SIPA1L3: variants seen among roughly 807,000 people sequenced by gnomAD.
SIPA1L3 encodes the protein signal-induced proliferation-associated 1-like protein 3.
A neutral mutation model predicts 150.1 loss-of-function variants in SIPA1L3; 59 were observed. That is an observed-to-expected ratio of 0.39 (90% CI 0.32 to 0.49). The LOEUF is 0.49. Ranked by LOEUF, SIPA1L3 falls within the 20% of genes least tolerant of loss-of-function variation. The pLI, the probability that SIPA1L3 is intolerant of heterozygous loss-of-function variation, is 0.86. For missense variants in SIPA1L3, 2,211 were observed against 2,489.5 expected (o/e 0.89, Z 2.38); for synonymous variants, 1,070 against 1,077.6 (o/e 0.99, Z 0.14).
At chr19:37,941,156 C>G (rs910080001) in intron 1 of SIPA1L3, among the ~76,000 whole-genome samples, 1 of 151,644 alleles carries the variant, frequency 6.6e-6, no homozygotes, top group Admixed American at 6.6e-5. Flanking sequence ...GCTAGCCGTC[C>G]TCCTAGGTGT....
intron 2 of SIPA1L3, among the ~76,000 whole-genome samples, chr19:38,044,224 G>T (rs908272983): frequency 2.6e-5 from 4 of 152,318 alleles, no homozygotes; most frequent in Admixed American, 2.6e-4. Context: ...CAGAGACGTG[G>T]CTGAGTCTGT....
chr19:38,164,397 C>A lies in SIPA1L3; in HGVS notation c.3781-82C>A. On this transcript the variant is annotated intron_variant, in intron 14 of 21. Transcript: ENST00000222345. The surrounding 1 kb of genome is among the most constrained non-coding windows in gnomAD (Gnocchi z 4.1). ...AAGCTGTCTGGTCCCAGGGTTCAGG[C>A]CCAGGCAGAGGGAGGACCCGGCAAG... The A allele has an allele frequency of 1.5e-6, 2 of 1,361,136 alleles. No individual in the cohort carries two copies. Among genetic ancestry groups the A allele is most frequent in the Non-Finnish European group, 2.0e-6 (2 of 978,772 alleles). The allele number at this position is 1,361,136 out of a possible 1,614,324, so 84.3% of individuals were successfully genotyped here.
chr19:38,201,566 G>A (rs556115134), intron 19 of SIPA1L3, among the ~76,000 whole-genome samples: 8 of 152,318 alleles, frequency 5.3e-5, no homozygotes, highest in East Asian at 1.9e-4. Context: ...TTCGGAATCC[G>A]GTCGGTTGCT....
chr19:38,143,673 G>A (rs1268370465), intron 12 of SIPA1L3, among the ~76,000 whole-genome samples: 3 of 151,192 alleles, frequency 2.0e-5, no homozygotes, highest in African/African-American at 7.3e-5. Context: ...CAAGTAGCTG[G>A]GACTACAGGC....
intron 9 of SIPA1L3, among the ~76,000 whole-genome samples, chr19:38,123,418 C>G (rs527940839): frequency 6.7e-6 from 1 of 149,106 alleles, no homozygotes; most frequent in Non-Finnish European, 1.5e-5. Flanking sequence ...TGCGGCCTTC[C>G]GCAGTGTTTG....
intron 4 of SIPA1L3, among the ~76,000 whole-genome samples, chr19:38,092,100 G>A (rs1283360008): frequency 6.6e-6 from 1 of 151,404 alleles, no homozygotes; most frequent in Non-Finnish European, 1.5e-5. Context: ...TATATAGGCA[G>A]GCATGGTGGC....
chr19:37,974,477 C>T (rs1967026422), intron 1 of SIPA1L3, among the ~76,000 whole-genome samples: 1 of 150,692 alleles, frequency 6.6e-6, no homozygotes, highest in Non-Finnish European at 1.5e-5. Context: ...GATTGTGCCA[C>T]TACACTCCAG....
At chr19:37,988,019 C>T (rs1013839761) in intron 1 of SIPA1L3, among the ~76,000 whole-genome samples, 2 of 152,254 alleles carry the variant, frequency 1.3e-5, no homozygotes, top group African/African-American at 4.8e-5. Flanking sequence ...ATTCTCCCCT[C>T]CTCCTACAGT....
At chr19:38,157,565 C>T (rs911920094) in intron 13 of SIPA1L3, among the ~76,000 whole-genome samples, 1 of 152,166 alleles carries the variant, frequency 6.6e-6, no homozygotes, top group East Asian at 1.9e-4. Context: ...GGGTTGCCTC[C>T]ATGGTCACCG....
rs1325611987 is a variant in SIPA1L3 at position 38,082,903 on chromosome 19, G to A, written c.1338G>A (p.Arg446=). Residue 446 remains arginine (R), a synonymous_variant, in exon 3 of 22, where the codon CGG becomes CGA. Coordinates refer to ENST00000222345, the MANE Select transcript of SIPA1L3 (RefSeq NM_015073.3). ...GTGAGCGCAACGTGAGCTTCTCCCG[G>A]GCTTCCGTGGGCTCCCCGAGCAGCG... is the stretch of plus-strand genomic sequence containing the variant. ...GECERNVSFS[R]ASVGSPSSGE... is the part of the protein sequence containing the mutation. 1.9e-6 allele frequency: 3 copies of A among 1,613,150 alleles called. No individual in the cohort carries two copies. Among genetic ancestry groups the A allele is most frequent in the Non-Finnish European group, 2.5e-6 (3 of 1,179,894 alleles).
chr19:37,940,677 T>G (rs888413856), intron 1 of SIPA1L3, among the ~76,000 whole-genome samples: 10 of 152,070 alleles, frequency 6.6e-5, no homozygotes, highest in African/African-American at 2.4e-4. Context: ...GTCTCCCGAG[T>G]TCAGGCGATT....
At chr19:38,141,806 C>T (rs1236363330) in intron 11 of SIPA1L3, among the ~76,000 whole-genome samples, 1 of 152,130 alleles carries the variant, frequency 6.6e-6, no homozygotes, top group South Asian at 2.1e-4. Flanking sequence ...ATAGCAGAAC[C>T]CTGGCTCTAT....
chr19:38,025,146 G>C (rs1177034240), intron 1 of SIPA1L3, among the ~76,000 whole-genome samples: 2 of 152,194 alleles, frequency 1.3e-5, no homozygotes, highest in Admixed American at 6.5e-5. Flanking sequence ...ACTCTGATTG[G>C]CCGTGCTTGG....
chr19:38,191,529 C>A (rs972379217), intron 16 of SIPA1L3, among the ~76,000 whole-genome samples: 1 of 150,360 alleles, frequency 6.7e-6, no homozygotes, highest in Non-Finnish European at 1.5e-5. Flanking sequence ...GGCAAAGACA[C>A]AGGTCGGGCA....
intron 1 of SIPA1L3, among the ~76,000 whole-genome samples, chr19:37,918,998 G>C (rs1057372445): frequency 2.0e-5 from 3 of 152,164 alleles, no homozygotes; most frequent in Non-Finnish European, 4.4e-5. Flanking sequence ...GGGTGCTGTG[G>C]GCTCTGGTGG....
At chr19:38,121,176 T>TA (rs992832492) in intron 9 of SIPA1L3, among the ~76,000 whole-genome samples, 14 of 148,450 alleles carry the variant, frequency 9.4e-5, no homozygotes, top group South Asian at 2.1e-4. Flanking sequence ...ATGCCGTTTC[T>TA]AAAAAAAAAA....
intron 6 of SIPA1L3, among the ~76,000 whole-genome samples, chr19:38,105,236 G>T (rs1420433267): frequency 6.6e-6 from 1 of 151,924 alleles, no homozygotes; most frequent in Non-Finnish European, 1.5e-5. Flanking sequence ...ATGGTGGCAG[G>T]CACCTGTAAT....
intron 1 of SIPA1L3, among the ~76,000 whole-genome samples, chr19:37,952,362 G>T (rs756878717): frequency 6.7e-6 from 1 of 149,670 alleles, no homozygotes; most frequent in African/African-American, 2.4e-5. Flanking sequence ...GTGGACCCTA[G>T]AATCTATATT....
At chr19:38,063,344 C>T (rs1969497377) in intron 2 of SIPA1L3, among the ~76,000 whole-genome samples, 1 of 152,098 alleles carries the variant, frequency 6.6e-6, no homozygotes, top group South Asian at 2.1e-4. Flanking sequence ...CCGGGTGGGC[C>T]CCACTGCCGC....
Sources: allele counts gnomAD v4.1 joint callset (sites outside exome capture counted in the v4.1 genomes callset), GRCh38; gene constraint gnomAD v4.1.1; non-coding constraint Gnocchi (gnomAD v3.1); transcripts MANE v1.5; gene names NCBI Gene and HGNC (gene_info 2026-07-23, HGNC 2026-07-21).